SLC39A11: variants seen among roughly 807,000 people sequenced by gnomAD.
SLC39A11 encodes solute carrier family 39 member 11.
SLC39A11 carries 33 observed loss-of-function variants against 36.1 expected under a neutral mutation model. The ratio of observed to expected loss-of-function variants is 0.91; its 90% CI spans 0.69 to 1.22. The LOEUF (loss-of-function observed/expected upper bound fraction) is 1.22. Among genes scored for constraint, SLC39A11 ranks in the 50% most tolerant of loss-of-function variants. The pLI is 0.00. For synonymous variants in SLC39A11, 166 were observed against 170.3 expected (o/e 0.97, Z 0.20); for missense variants, 432 against 430.3 (o/e 1.00, Z -0.03).
intron 3 of SLC39A11, among the ~76,000 whole-genome samples, chr17:73,051,598 C>T (rs368923130): frequency 6.6e-6 from 1 of 150,932 alleles, no homozygotes; most frequent in Non-Finnish European, 1.5e-5. Flanking sequence ...TGGTTCAGGC[C>T]TGTAATCCCG....
At chr17:73,079,625 A>T (rs2060449108) in intron 3 of SLC39A11, among the ~76,000 whole-genome samples, 1 of 152,192 alleles carries the variant, frequency 6.6e-6, no homozygotes, top group African/African-American at 2.4e-5. Flanking sequence ...TATTCAACAT[A>T]GTACTAGAAG....
At chr17:72,875,813 C>T (rs551335190) in intron 5 of SLC39A11, among the ~76,000 whole-genome samples, 35 of 152,230 alleles carry the variant, frequency 2.3e-4, no homozygotes, top group Admixed American at 1.2e-3. Flanking sequence ...GGCTCAGTCA[C>T]GGGACCAAAC....
At position 72,943,762 on chromosome 17, in the gene SLC39A11, A is replaced by T. The variant is rs148056373; in HGVS notation, c.430+3990T>A. Among the ~76,000 whole-genome samples, 134 of 152,334 alleles carry T rather than the reference A, an allele frequency of 8.8e-4. 1 individual carries two copies. The Middle Eastern group carries it at 0.014, about 15-fold the overall frequency. On this transcript the variant is annotated intron_variant, in intron 5 of 9. Transcript: ENST00000255559. ...TAATAGACCGATGAAATTCACCAAT[A>T]ATAATAGTGATGACAAAGTTCACTA...
chr17:72,965,515 A>G (rs1045444123), intron 4 of SLC39A11, among the ~76,000 whole-genome samples: 1 of 152,194 alleles, frequency 6.6e-6, no homozygotes, highest in African/African-American at 2.4e-5. Flanking sequence ...CTTATTATAA[A>G]CTAGGCTTTG....
chr17:73,050,594 G>T (rs754722053), intron 3 of SLC39A11, among the ~76,000 whole-genome samples: 1 of 151,780 alleles, frequency 6.6e-6, no homozygotes, highest in African/African-American at 2.4e-5. Context: ...CTCCCAAGTA[G>T]CTGGGACTGC....
chr17:73,066,927 A>G (rs2060013003), intron 3 of SLC39A11, among the ~76,000 whole-genome samples: 1 of 152,214 alleles, frequency 6.6e-6, no homozygotes, highest in African/African-American at 2.4e-5. Context: ...TAATACAAAG[A>G]GACTAAGGGA....
chr17:72,925,262 A>ACCT (rs1301839459), intron 5 of SLC39A11, among the ~76,000 whole-genome samples: 2 of 152,314 alleles, frequency 1.3e-5, no homozygotes, highest in African/African-American at 4.8e-5. Flanking sequence ...CTAAATCCAG[A>ACCT]CCTGCTGATA....
chr17:72,951,913 A>G (rs929728646), intron 4 of SLC39A11, among the ~76,000 whole-genome samples: 4 of 151,962 alleles, frequency 2.6e-5, no homozygotes, highest in Non-Finnish European at 4.4e-5. Context: ...CCTTTCTATC[A>G]ATCTATATTC....
Position 72,849,705 on chromosome 17 carries a change from G to A in SLC39A11, c.530C>T (p.Ala177Val), listed in dbSNP as rs778686610. Residue 177 changes from alanine to valine, a missense_variant, in exon 6 of 10, where the codon GCA (alanine) becomes GTA (valine). Transcript: ENST00000255559. ...CCTCCAGCTGCTGCCGCCGGGCTGT[G>A]CCAGATTCCCTCGAGAAGGCACAGG... ...AVPVPSRGNLAQPGGSSWRRI... is the reference protein window; with the variant it reads ...AVPVPSRGNLVQPGGSSWRRI... 2.5e-6 allele frequency: 4 copies of A among 1,611,322 alleles called. No individual in the cohort carries two copies. The highest frequency in any genetic ancestry group is 4.5e-5 in the East Asian group (2 of 44,734).
intron 4 of SLC39A11, among the ~76,000 whole-genome samples, chr17:72,962,854 C>A (rs969001555): frequency 6.6e-6 from 1 of 152,032 alleles, no homozygotes; most frequent in African/African-American, 2.4e-5. Context: ...AGGTTCCTGA[C>A]AAGTGTCTGC....
chr17:72,878,457 T>C (rs1331605987), intron 5 of SLC39A11, among the ~76,000 whole-genome samples: 3 of 152,224 alleles, frequency 2.0e-5, no homozygotes, highest in Non-Finnish European at 4.4e-5. Context: ...TTCCAACCTC[T>C]GGGCTTCTGT....
chr17:72,837,801 A>G (rs1326986692), intron 6 of SLC39A11: 8 of 493,066 alleles, frequency 1.6e-5, no homozygotes, highest in African/African-American at 2.0e-5. Flanking sequence ...AAACATACAT[A>G]TTACATGATA....
chr17:73,091,628 A>G (rs2060926581), intron 1 of SLC39A11, among the ~76,000 whole-genome samples: 1 of 152,150 alleles, frequency 6.6e-6, no homozygotes, highest in Admixed American at 6.5e-5. Flanking sequence ...CCAAGAGAAC[A>G]AGAAGTTTTC....
At chr17:72,732,530 G>A (rs1388807686) in intron 7 of SLC39A11, among the ~76,000 whole-genome samples, 1 of 152,182 alleles carries the variant, frequency 6.6e-6, no homozygotes. Context: ...AGGAGGGCTG[G>A]TCAGGTATTT....
At chr17:72,859,106 C>G (rs1598145382) in intron 5 of SLC39A11, among the ~76,000 whole-genome samples, 1 of 152,178 alleles carries the variant, frequency 6.6e-6, no homozygotes, top group Admixed American at 6.5e-5. Flanking sequence ...ACCTTTTCCC[C>G]ATTCAGCATG....
At chr17:73,053,653 G>C (rs2059579068) in intron 3 of SLC39A11, among the ~76,000 whole-genome samples, 1 of 152,162 alleles carries the variant, frequency 6.6e-6, no homozygotes, top group Non-Finnish European at 1.5e-5. Context: ...CTAGTGATTA[G>C]CGAAACCAGG....
chr17:72,740,331 C>T (rs2074634567), intron 6 of SLC39A11, among the ~76,000 whole-genome samples: 1 of 152,112 alleles, frequency 6.6e-6, no homozygotes, highest in Non-Finnish European at 1.5e-5. Context: ...TCCCAAAGTG[C>T]TGGGATTACA....
chr17:72,873,035 CAG>C (rs769758167), intron 5 of SLC39A11, among the ~76,000 whole-genome samples: 14 of 123,522 alleles, frequency 1.1e-4, no homozygotes, highest in Non-Finnish European at 1.9e-4. Context: ...GCCTGGGCGA[CAG>C]GGGCAAGACT....
intron 6 of SLC39A11, among the ~76,000 whole-genome samples, chr17:72,757,159 C>G (rs1448876944): frequency 6.6e-6 from 1 of 151,638 alleles, no homozygotes; most frequent in African/African-American, 2.4e-5. Flanking sequence ...AAGCAAAACT[C>G]CGTCTCAATA....
Sources: allele counts gnomAD v4.1 joint callset (sites outside exome capture counted in the v4.1 genomes callset), GRCh38; gene constraint gnomAD v4.1.1; transcripts MANE v1.5; gene names NCBI Gene and HGNC (gene_info 2026-07-23, HGNC 2026-07-21).